The following ADAMTS18 variants were observed in gnomAD, a reference collection of about 807,000 sequenced individuals.
ADAMTS18 encodes A disintegrin and metalloproteinase with thrombospondin motifs 18.
Under a neutral mutation model 165.9 loss-of-function variants are expected in ADAMTS18, and 157 were observed. The observed-to-expected ratio is 0.95, with a 90% CI of 0.83 to 1.08. The LOEUF is 1.08. Ranked by LOEUF, ADAMTS18 falls within the 50% of genes least tolerant of loss-of-function variation. ADAMTS18 has a pLI of 0.00. For synonymous variants in ADAMTS18, 782 were observed against 578.2 expected, an observed-to-expected ratio of 1.35 and a Z score of -5.06; for missense variants, 2,040 against 1,534.0, an observed-to-expected ratio of 1.33 and a Z score of -5.51.
chr16:77,365,324 T>C (rs2056777780), intron 4 of ADAMTS18, among the ~76,000 whole-genome samples: 1 of 152,246 alleles, frequency 6.6e-6, no homozygotes, highest in African/African-American at 2.4e-5. Flanking sequence ...TCTAAATTTA[T>C]TATTTTTGAA....
Position 77,431,554 on chromosome 16 carries a change from T to G in ADAMTS18, c.236A>C (p.Asp79Ala). Residue 79 changes from aspartate (D) to alanine (A), a missense_variant, in exon 3 of 23, where the codon GAC becomes GCC. Transcript: ENST00000282849. ...VDSAGSYISH[D>A]ILHNGRKKRS... ...CTTTTTCCTGCCGTTGTGCAAAATGTCGTGTGAAATATATGACCCGGCTGA... is the reference window on the plus strand; with the variant it reads ...CTTTTTCCTGCCGTTGTGCAAAATGGCGTGTGAAATATATGACCCGGCTGA... The G allele has an allele frequency of 6.2e-7, 1 of 1,614,160 alleles. No homozygotes were observed. The highest frequency in any genetic ancestry group is 1.1e-5 in the South Asian group (1 of 91,086).
intron 3 of ADAMTS18, among the ~76,000 whole-genome samples, chr16:77,393,176 A>C (rs569384672): frequency 6.6e-6 from 1 of 152,296 alleles, no homozygotes; most frequent in South Asian, 2.1e-4. Flanking sequence ...GCAGAACATG[A>C]CTTGTTCAAT....
intron 16 of ADAMTS18, among the ~76,000 whole-genome samples, chr16:77,310,593 G>T (rs1181382217): frequency 6.6e-6 from 1 of 152,010 alleles, no homozygotes; most frequent in Non-Finnish European, 1.5e-5. Flanking sequence ...AAAGACTTAA[G>T]GCTGTAAAGT....
At chr16:77,353,094 GACA>G (rs145325918) in intron 10 of ADAMTS18, among the ~76,000 whole-genome samples, 14,065 of 151,816 alleles carry the variant, frequency 0.093, 2,176 homozygotes, top group African/African-American at 0.32. Flanking sequence ...CAACAACAAC[GACA>G]ACAACAACAA....
intron 9 of ADAMTS18, among the ~76,000 whole-genome samples, chr16:77,354,251 A>T (rs1198513924): frequency 6.6e-6 from 1 of 152,342 alleles, no homozygotes; most frequent in East Asian, 1.9e-4. Context: ...TAGACAAAGC[A>T]CTAAAGGTAC....
At chr16:77,332,660 T>C (rs574288412) in intron 12 of ADAMTS18, among the ~76,000 whole-genome samples, 1 of 152,226 alleles carries the variant, frequency 6.6e-6, no homozygotes, top group Non-Finnish European at 1.5e-5. Context: ...AATCTACATC[T>C]CACACATGTT....
At chr16:77,293,040 C>A in intron 20 of ADAMTS18, 36 bp downstream of exon 20, 1 of 1,613,118 alleles carries the variant, frequency 6.2e-7, no homozygotes, top group Non-Finnish European at 8.5e-7. Context: ...AGGATGGTCT[C>A]AATCTCCTGA....
chr16:77,358,874 A>G (rs979630331), intron 8 of ADAMTS18, among the ~76,000 whole-genome samples: 2 of 152,242 alleles, frequency 1.3e-5, no homozygotes, highest in Non-Finnish European at 2.9e-5. Context: ...AGTGACACCA[A>G]TCAAAAGAAT....
chr16:77,402,196 A>G (rs1038755330), intron 3 of ADAMTS18, among the ~76,000 whole-genome samples: 1 of 152,198 alleles, frequency 6.6e-6, no homozygotes, highest in African/African-American at 2.4e-5. Flanking sequence ...GCAAACACAC[A>G]GGTATACAAA....
intron 16 of ADAMTS18, among the ~76,000 whole-genome samples, chr16:77,307,489 C>T (rs1238039208): frequency 2.0e-5 from 3 of 152,220 alleles, no homozygotes; most frequent in Non-Finnish European, 4.4e-5. Context: ...ACCTTGACTA[C>T]AGTTCTAATT....
chr16:77,400,474 GTGTGTGTTT>G (rs1281682151), intron 3 of ADAMTS18, among the ~76,000 whole-genome samples: 372 of 119,158 alleles, frequency 3.1e-3, no homozygotes, highest in African/African-American at 9.5e-3. Flanking sequence ...GTGTGTGTGT[GTGTGTGTTT>G]TGTTTTTTTT....
At chr16:77,357,739 T>C (rs180832721) in intron 8 of ADAMTS18, among the ~76,000 whole-genome samples, 2 of 152,340 alleles carry the variant, frequency 1.3e-5, no homozygotes, top group Non-Finnish European at 2.9e-5. Context: ...ACATATTTTC[T>C]TTAGCACATG....
At chr16:77,284,379 C>T (rs188911849) in intron 22 of ADAMTS18, among the ~76,000 whole-genome samples, 4 of 152,226 alleles carry the variant, frequency 2.6e-5, no homozygotes, top group Non-Finnish European at 4.4e-5. Flanking sequence ...CTGCCTGCTT[C>T]GGCCTCCCAA....
intron 17 of ADAMTS18, among the ~76,000 whole-genome samples, chr16:77,299,507 T>C (rs557583825): frequency 6.6e-6 from 1 of 152,288 alleles, no homozygotes; most frequent in African/African-American, 2.4e-5. Flanking sequence ...TTATTATGCT[T>C]AGTGGGATGG....
At chr16:77,373,618 T>A (rs1167550648) in intron 3 of ADAMTS18, among the ~76,000 whole-genome samples, 1 of 152,168 alleles carries the variant, frequency 6.6e-6, no homozygotes, top group African/African-American at 2.4e-5. Context: ...CGGTGTATAC[T>A]GCTCAGGTGG....
rs529372503 is a variant in ADAMTS18, at chr16:77,402,907, G to T, written c.495+28388C>A. 2.6e-5 allele frequency among the ~76,000 whole-genome samples: 4 copies of T among 152,270 alleles called. No homozygotes were observed. The East Asian group carries it at 5.8e-4, about 22-fold the overall frequency. On this transcript the variant is annotated intron_variant, in intron 3 of 22. Coordinates refer to ENST00000282849, the MANE Select transcript of ADAMTS18 (RefSeq NM_199355.4). ...CTTCCTCATGGGAAATGCCCCAAAT[G>T]TCACTGAAACACAACCTCTCTCAAA... is the stretch of plus-strand genomic sequence containing the variant.
intron 12 of ADAMTS18, among the ~76,000 whole-genome samples, chr16:77,328,504 C>T (rs76767993): frequency 2.0e-5 from 3 of 152,074 alleles, no homozygotes; most frequent in East Asian, 1.9e-4. Context: ...GGAAATGTCA[C>T]GCGGCCAGAA....
At chr16:77,424,940 C>G (rs12446009) in intron 3 of ADAMTS18, among the ~76,000 whole-genome samples, 6,502 of 152,236 alleles carry the variant, frequency 0.043, 197 homozygotes, top group Middle Eastern at 0.065. Context: ...CCGCCATGGA[C>G]GAAGGTCATT....
In ADAMTS18 at chr16:77,297,547, G is replaced by A. The variant is rs545816140; in HGVS notation, c.2675-132C>T. The A allele has an allele frequency of 7.8e-6, 7 of 896,240 alleles. No individual in the cohort carries two copies. In the Admixed American group the frequency reaches 8.8e-5, roughly 11 times the overall value. The allele number at this position is 896,240 out of a possible 1,614,324, so 55.5% of individuals were successfully genotyped here. A position where few individuals can be genotyped will look rare whatever the true frequency, so the allele number is the denominator to read the frequency against. Reference sequence around the variant, plus strand: ...ATGGAATCCAAATATTTTGTGGAACGCTTCCTTTTGATGAAATTTGCAACT... The same window carrying A: ...ATGGAATCCAAATATTTTGTGGAACACTTCCTTTTGATGAAATTTGCAACT... On this transcript the variant is annotated intron_variant, in intron 17 of 22. Transcript: ENST00000282849.
Sources: allele counts gnomAD v4.1 joint callset (sites outside exome capture counted in the v4.1 genomes callset), GRCh38; gene constraint gnomAD v4.1.1; transcripts MANE v1.5; gene names NCBI Gene and HGNC (gene_info 2026-07-23, HGNC 2026-07-21).